The following VEPH1 variants were observed in gnomAD, a reference collection of about 807,000 sequenced individuals.
VEPH1 encodes ventricular zone-expressed PH domain-containing protein homolog 1.
In VEPH1, 80 loss-of-function variants were observed where a neutral mutation model predicts 85.2. That is an observed-to-expected ratio of 0.94 (90% CI 0.78 to 1.13). VEPH1 has a LOEUF of 1.13. Among genes scored for constraint, VEPH1 ranks in the 50% most tolerant of loss-of-function variants. The pLI, the probability that VEPH1 is intolerant of heterozygous loss-of-function variation, is 0.00. For synonymous variants in VEPH1, 297 were observed against 348.0 expected (o/e 0.85, Z 1.63); for missense variants, 955 against 980.5 (o/e 0.97, Z 0.35).
intron 5 of VEPH1, among the ~76,000 whole-genome samples, chr3:157,418,905 G>A: frequency 6.6e-6 from 1 of 152,068 alleles, no homozygotes; most frequent in East Asian, 1.9e-4. Context: ...AAAACTGGAG[G>A]CGTTATACTA....
At chr3:157,458,344 T>C (rs1735551394) in intron 4 of VEPH1, among the ~76,000 whole-genome samples, 1 of 152,168 alleles carries the variant, frequency 6.6e-6, no homozygotes. Flanking sequence ...CTGATTTTGG[T>C]TATTTCTTGC....
chr3:157,395,628 G>A (rs532203565), intron 6 of VEPH1, among the ~76,000 whole-genome samples: 1 of 152,026 alleles, frequency 6.6e-6, no homozygotes, highest in Non-Finnish European at 1.5e-5. Flanking sequence ...TGTACACAGG[G>A]GACACAAATA....
intron 9 of VEPH1, among the ~76,000 whole-genome samples, chr3:157,359,754 G>T (rs1725836137): frequency 6.6e-6 from 1 of 152,164 alleles, no homozygotes; most frequent in Non-Finnish European, 1.5e-5. Context: ...GAAGTATTAT[G>T]TGGAACCATA....
intron 5 of VEPH1, among the ~76,000 whole-genome samples, chr3:157,419,021 A>G (rs983632370): frequency 3.3e-5 from 5 of 152,208 alleles, no homozygotes; most frequent in African/African-American, 1.2e-4. Flanking sequence ...CTCAGAAATA[A>G]GACCACACAT....
At chr3:157,357,989 G>A (rs904449181) in intron 9 of VEPH1, among the ~76,000 whole-genome samples, 10 of 152,156 alleles carry the variant, frequency 6.6e-5, no homozygotes, top group African/African-American at 1.9e-4. Flanking sequence ...GTTGTTACAC[G>A]CCCGAGTCTT....
chr3:157,401,686 C>CCAAA (rs1484546574), intron 6 of VEPH1, among the ~76,000 whole-genome samples: 1 of 152,022 alleles, frequency 6.6e-6, no homozygotes, highest in East Asian at 1.9e-4. Flanking sequence ...ACCTTACCCA[C>CCAAA]CAAACCTTCT....
intron 11 of VEPH1, among the ~76,000 whole-genome samples, chr3:157,302,632 A>G (rs1718937184): frequency 1.3e-5 from 2 of 152,244 alleles, no homozygotes; most frequent in Non-Finnish European, 2.9e-5. Context: ...AACTGTAAGA[A>G]ACATTTTTGT....
intron 5 of VEPH1, among the ~76,000 whole-genome samples, chr3:157,427,789 G>A (rs1263325978): frequency 6.6e-6 from 1 of 152,200 alleles, no homozygotes; most frequent in Non-Finnish European, 1.5e-5. Context: ...ACTTGACTGG[G>A]TCATGGGGCA....
At chr3:157,403,815 A>G (rs1048992530) in intron 6 of VEPH1, among the ~76,000 whole-genome samples, 1 of 152,174 alleles carries the variant, frequency 6.6e-6, no homozygotes, top group Non-Finnish European at 1.5e-5. Context: ...ATATGCATCA[A>G]GCAGGTAGTA....
At chr3:157,287,737 G>T (rs1716963878) in intron 11 of VEPH1, among the ~76,000 whole-genome samples, 2 of 151,820 alleles carry the variant, frequency 1.3e-5, no homozygotes, top group African/African-American at 2.4e-5. Flanking sequence ...GCTAATTTTT[G>T]TATATCTAGT....
chr3:157,421,478 T>C (rs1394768281), intron 5 of VEPH1, among the ~76,000 whole-genome samples: 1 of 152,228 alleles, frequency 6.6e-6, no homozygotes, highest in Non-Finnish European at 1.5e-5. Flanking sequence ...CAAAACCTCC[T>C]TAGTTAGCTT....
chr3:157,328,871 C>T (rs62278575), intron 9 of VEPH1, among the ~76,000 whole-genome samples: 33,763 of 152,128 alleles, frequency 0.22, 4,582 homozygotes, highest in Admixed American at 0.41. Context: ...CCATTTAATA[C>T]TCATGCCAAT....
At chr3:157,487,524 T>C (rs1407242296) in intron 2 of VEPH1, among the ~76,000 whole-genome samples, 1 of 152,088 alleles carries the variant, frequency 6.6e-6, no homozygotes, top group Non-Finnish European at 1.5e-5. Context: ...ATTACAAAAC[T>C]CTTGCAGATA....
At chr3:157,301,214 T>C (rs1718756435) in intron 11 of VEPH1, among the ~76,000 whole-genome samples, 1 of 152,184 alleles carries the variant, frequency 6.6e-6, no homozygotes, top group Admixed American at 6.5e-5. Flanking sequence ...TGTCCTAACC[T>C]TGGCCAGTTG....
At chr3:157,442,797 G>T in intron 4 of VEPH1, 1 of 1,614,226 alleles carries the variant, frequency 6.2e-7, no homozygotes, top group Non-Finnish European at 8.5e-7. Context: ...TGTGGGTGGT[G>T]GCTTTGATGA....
At chr3:157,312,684 T>G (rs1720234087) in intron 11 of VEPH1, among the ~76,000 whole-genome samples, 1 of 152,196 alleles carries the variant, frequency 6.6e-6, no homozygotes, top group Non-Finnish European at 1.5e-5. Flanking sequence ...CCTGTTGATT[T>G]GACTTTCTTA....
At chr3:157,310,881 C>T (rs1248228356) in intron 11 of VEPH1, among the ~76,000 whole-genome samples, 1 of 152,088 alleles carries the variant, frequency 6.6e-6, no homozygotes, top group Admixed American at 6.5e-5. Context: ...CTTCAGTAGA[C>T]AGGGAAATGT....
At chr3:157,371,624 T>C (rs540032291) in intron 7 of VEPH1, among the ~76,000 whole-genome samples, 1 of 152,096 alleles carries the variant, frequency 6.6e-6, no homozygotes, top group Non-Finnish European at 1.5e-5. Context: ...CGTTCAAATT[T>C]TGAGAAGCGA....
At position 157,278,095 on chromosome 3, in the gene VEPH1, A is replaced by G. The variant is rs186561582; in HGVS notation, c.2128+8462T>C. Among the ~76,000 whole-genome samples the G allele has an allele frequency of 6.6e-4, 101 of 152,262 alleles. 1 individual carries two copies. The highest frequency in any genetic ancestry group is 4.8e-3 in the South Asian group (23 of 4,830). On this transcript the variant is annotated intron_variant, in intron 12 of 13. Transcript: ENST00000362010. ...GAGAGTCCACTTCATAGAACTTACT[A>G]TTTACTGGAGGAAGTAGACATTGAT...
Sources: allele counts gnomAD v4.1 joint callset (sites outside exome capture counted in the v4.1 genomes callset), GRCh38; gene constraint gnomAD v4.1.1; transcripts MANE v1.5; gene names NCBI Gene and HGNC (gene_info 2026-07-23, HGNC 2026-07-21).